The following MAGI3 variants were observed in gnomAD, a reference collection of about 807,000 sequenced individuals.
MAGI3 encodes the protein membrane-associated guanylate kinase, WW and PDZ domain-containing protein 3.
In MAGI3, 43 loss-of-function variants were observed where a neutral mutation model predicts 121.8. The observed-to-expected ratio is 0.35, with a 90% CI of 0.28 to 0.46. The LOEUF (loss-of-function observed/expected upper bound fraction) is 0.46. Among genes scored for constraint, MAGI3 ranks in the 20% least tolerant of loss-of-function variants. MAGI3 has a pLI of 1.00. For missense variants in MAGI3, 1,547 were observed against 1,797.3 expected (o/e 0.86, Z 2.52); for synonymous variants, 553 against 639.3 (o/e 0.86, Z 2.04).
At position 113,599,430 on chromosome 1, in the gene MAGI3, A is replaced by C. The variant is rs150538586; in HGVS notation, c.1018+4870A>C. 8.7e-4 allele frequency among the ~76,000 whole-genome samples: 133 copies of C among 152,352 alleles called. 1 individual carries two copies. The highest frequency in any genetic ancestry group is 2.9e-3 in the African/African-American group (120 of 41,568). ...CAGAAATAAAAACTACTATCAGAGA[A>C]TACTACGAACACCTCTACGCAAATA... On this transcript the variant is annotated intron_variant, in intron 6 of 20. Transcript: ENST00000307546.
intron 1 of MAGI3, among the ~76,000 whole-genome samples, chr1:113,542,265 G>A (rs1291895730): frequency 2.6e-5 from 4 of 152,152 alleles, no homozygotes; most frequent in Non-Finnish European, 4.4e-5. Context: ...TGGGTAGCAT[G>A]TATGGCATGG....
At chr1:113,480,407 A>G (rs1053301383) in intron 1 of MAGI3, among the ~76,000 whole-genome samples, 16 of 152,154 alleles carry the variant, frequency 1.1e-4, no homozygotes, top group Admixed American at 3.3e-4. Context: ...GCCTGGGTCC[A>G]CAGGGGCAGG....
intron 1 of MAGI3, among the ~76,000 whole-genome samples, chr1:113,523,345 T>G (rs943402957): frequency 1.3e-5 from 2 of 152,126 alleles, no homozygotes; most frequent in Non-Finnish European, 2.9e-5. Flanking sequence ...ACGTTGGAAC[T>G]TGGTAGAGGC....
chr1:113,625,546 T>C (rs985033109), intron 9 of MAGI3, among the ~76,000 whole-genome samples: 8 of 152,254 alleles, frequency 5.3e-5, no homozygotes, highest in African/African-American at 1.9e-4. Context: ...GTCGCTTTTG[T>C]ATCCTGCAAC....
chr1:113,433,525 A>G (rs1653408317), intron 1 of MAGI3, among the ~76,000 whole-genome samples: 1 of 152,202 alleles, frequency 6.6e-6, no homozygotes, highest in South Asian at 2.1e-4. Flanking sequence ...ATTTCCTTCT[A>G]ATGTATGCTC....
intron 1 of MAGI3, among the ~76,000 whole-genome samples, chr1:113,475,565 A>C (rs370894613): frequency 1.3e-5 from 2 of 152,144 alleles, no homozygotes; most frequent in African/African-American, 2.4e-5. Flanking sequence ...ACCAGCCTTG[A>C]ATCCCAGGGA....
chr1:113,680,752 G>A (rs772479355), intron 19 of MAGI3, among the ~76,000 whole-genome samples: 7 of 151,932 alleles, frequency 4.6e-5, no homozygotes, highest in Non-Finnish European at 7.4e-5. Flanking sequence ...GCAAGACTCC[G>A]TCTCAAAAAG....
At position 113,391,003 on chromosome 1, in the gene MAGI3, G is replaced by A. The variant is rs1369198025; in HGVS notation, c.-31G>A. ...GAGCGGCGCCCCGGCCGCCCGCGCG[G>A]GGTCTCCCCCATGGTGCAGCGGGGT... On this transcript the variant is annotated 5_prime_UTR_variant, in exon 1 of 21. Coordinates refer to ENST00000307546, the MANE Select transcript of MAGI3 (RefSeq NM_001142782.2). This position sits in a 1 kb window ranked among gnomAD's most constrained non-coding sequence, Gnocchi z 4.4. The A allele has an allele frequency of 1.3e-6, 2 of 1,513,314 alleles. No individual in the cohort carries two copies. Among genetic ancestry groups the A allele is most frequent in the Admixed American group, 4.5e-5 (2 of 44,654 alleles). 93.7% of individuals were successfully genotyped at this position (1,513,314 alleles called of 1,614,324 possible).
At chr1:113,460,860 G>A (rs1035092303) in intron 1 of MAGI3, among the ~76,000 whole-genome samples, 2 of 150,306 alleles carry the variant, frequency 1.3e-5, no homozygotes, top group East Asian at 3.9e-4. Flanking sequence ...AACTCCTCCA[G>A]CTGATACACA....
At chr1:113,656,205 A>G (rs1653461365) in intron 15 of MAGI3, among the ~76,000 whole-genome samples, 1 of 152,160 alleles carries the variant, frequency 6.6e-6, no homozygotes. Flanking sequence ...TAATCTCATA[A>G]AATGTTGAGG....
intron 9 of MAGI3, among the ~76,000 whole-genome samples, chr1:113,623,460 A>ACACACACACC (rs1486121523): frequency 1.5e-4 from 5 of 33,452 alleles, no homozygotes; most frequent in Non-Finnish European, 2.8e-4. Context: ...ACATACACAC[A>ACACACACACC]CACACACACA....
intron 2 of MAGI3, among the ~76,000 whole-genome samples, chr1:113,551,802 G>T (rs1357604923): frequency 1.3e-5 from 2 of 151,576 alleles, no homozygotes; most frequent in Non-Finnish European, 2.9e-5. Context: ...CATTTTATTT[G>T]ATCTCTTTTT....
At chr1:113,601,996 C>T (rs1334271727) in intron 6 of MAGI3, among the ~76,000 whole-genome samples, 1 of 151,946 alleles carries the variant, frequency 6.6e-6, no homozygotes, top group Non-Finnish European at 1.5e-5. Context: ...ACCGTATATT[C>T]TCACTCATAG....
intron 1 of MAGI3, among the ~76,000 whole-genome samples, chr1:113,521,276 G>A (rs1472146554): frequency 1.3e-5 from 2 of 151,688 alleles, no homozygotes; most frequent in African/African-American, 2.4e-5. Flanking sequence ...AGTAGAGACA[G>A]GGTTTCACCA....
At chr1:113,400,014 C>T (rs1651318166) in intron 1 of MAGI3, among the ~76,000 whole-genome samples, 1 of 152,164 alleles carries the variant, frequency 6.6e-6, no homozygotes, top group South Asian at 2.1e-4. Flanking sequence ...AAAGGAACTA[C>T]TTCACTGACT....
At chr1:113,600,173 G>A (rs1649277805) in intron 6 of MAGI3, among the ~76,000 whole-genome samples, 1 of 152,130 alleles carries the variant, frequency 6.6e-6, no homozygotes, top group African/African-American at 2.4e-5. Flanking sequence ...AGACAGGGGT[G>A]CCCTCTCTCA....
chr1:113,583,389 A>G (rs1648155829), intron 3 of MAGI3, among the ~76,000 whole-genome samples: 2 of 152,062 alleles, frequency 1.3e-5, no homozygotes, highest in Non-Finnish European at 2.9e-5. Flanking sequence ...AATTATTATG[A>G]AGTCCTAAAA....
At chr1:113,646,880 G>C (rs1186763663) in intron 12 of MAGI3, among the ~76,000 whole-genome samples, 3 of 152,130 alleles carry the variant, frequency 2.0e-5, no homozygotes, top group Non-Finnish European at 4.4e-5. Context: ...AGAATACAGA[G>C]ATAAATAGGT....
intron 9 of MAGI3, among the ~76,000 whole-genome samples, chr1:113,635,008 G>T (rs1297262870): frequency 6.6e-6 from 1 of 152,028 alleles, no homozygotes; most frequent in Non-Finnish European, 1.5e-5. Flanking sequence ...GTGAATGGGA[G>T]TTCACTCATG....
Sources: gnomAD v4.1 joint callset for allele counts (sites outside exome capture counted in the v4.1 genomes callset) on GRCh38, gnomAD v4.1.1 for gene constraint, Gnocchi (gnomAD v3.1) non-coding constraint, MANE v1.5 for transcripts, NCBI Gene and HGNC (gene_info 2026-07-23, HGNC 2026-07-21) for gene names.